Variants in HERC3 observed in about 807,000 individuals in gnomAD.
The protein encoded by HERC3 is probable E3 ubiquitin-protein ligase HERC3.
Under a neutral mutation model 129.9 loss-of-function variants are expected in HERC3, and 58 were observed. That is an observed-to-expected ratio of 0.45 (90% CI 0.36 to 0.56). HERC3 has a LOEUF of 0.56. HERC3 is among the 20% of genes least tolerant of loss of function. The pLI is 0.00. For missense variants in HERC3, 835 were observed against 1,244.2 expected, an observed-to-expected ratio of 0.67 and a Z score of 4.95; for synonymous variants, 430 against 451.0, an observed-to-expected ratio of 0.95 and a Z score of 0.59.
intron 2 of HERC3, among the ~76,000 whole-genome samples, chr4:88,603,204 C>CTTTTT (rs1191378063): frequency 4.4e-4 from 58 of 131,052 alleles, no homozygotes; most frequent in East Asian, 4.3e-4. Flanking sequence ...ATCGCTTTCT[C>CTTTTT]TTTTTTTTTT....
At chr4:88,565,894 T>A in the HERC3 span, among the ~76,000 whole-genome samples, 1 of 152,308 alleles carries the variant, frequency 6.6e-6, no homozygotes, top group East Asian at 1.9e-4. Flanking sequence ...TGATTTTCTC[T>A]GGTGGTATAT....
the HERC3 span, among the ~76,000 whole-genome samples, chr4:88,558,220 A>G: frequency 1.6e-4 from 24 of 152,272 alleles, no homozygotes; most frequent in East Asian, 2.7e-3. Context: ...TAGCAGCACA[A>G]TTAGCCATTG....
chr4:88,697,158 C>T (rs751921542), intron 23 of HERC3: 1 of 1,454,748 alleles, frequency 6.9e-7, no homozygotes, highest in Admixed American at 2.6e-5. Flanking sequence ...AAAAACAAAA[C>T]CAGGCTTTTT....
the HERC3 span, among the ~76,000 whole-genome samples, chr4:88,565,463 A>G: frequency 6.6e-6 from 1 of 152,080 alleles, no homozygotes; most frequent in South Asian, 2.1e-4. Flanking sequence ...TTCTTGCTGA[A>G]TTGACCCCTT....
rs1003781623 is a variant in HERC3 at position 88,671,804 on chromosome 4, G to A, written c.1911+1552G>A. On this transcript the variant is annotated intron_variant, in intron 16 of 25. Coordinates refer to ENST00000402738, the MANE Select transcript of HERC3 (RefSeq NM_014606.3). ...CTCCCAAAGTGCTGGGATTACAGGGGTAAGCCACTGTGCCTGGCCAGGAAA... is the reference window on the plus strand; with the variant it reads ...CTCCCAAAGTGCTGGGATTACAGGGATAAGCCACTGTGCCTGGCCAGGAAA... 2.2e-4 allele frequency among the ~76,000 whole-genome samples: 34 copies of A among 152,166 alleles called. 1 individual carries two copies. Among genetic ancestry groups the A allele is most frequent in the Non-Finnish European group, 1.0e-4 (7 of 68,034 alleles).
intron 3 of HERC3, among the ~76,000 whole-genome samples, chr4:88,638,695 A>G (rs1371416662): frequency 2.6e-5 from 4 of 151,852 alleles, no homozygotes; most frequent in African/African-American, 7.3e-5. Flanking sequence ...CAAGGATGCC[A>G]TCTTTCACCA....
Position 88,676,377 on chromosome 4 carries a change from A to C in HERC3, c.1979A>C (p.Gln660Pro), listed in dbSNP as rs1732165822. The C allele has an allele frequency of 2.5e-6, 4 of 1,613,080 alleles. No homozygotes were observed. In the East Asian group the frequency reaches 8.9e-5, roughly 36 times the overall value. Residue 660 changes from glutamine to proline, a missense_variant, in exon 18 of 26, where the codon CAA (glutamine) becomes CCA (proline). By Grantham distance (76) the Gln-to-Pro change is moderately conservative (BLOSUM62 -1). Coordinates refer to ENST00000402738, the MANE Select transcript of HERC3 (RefSeq NM_014606.3). ...TCCTACCCTTTCATCTTTGATGCCC[A>C]AGCCAAGACCAAAATGTTACAGACA... ...LCSYPFIFDA[Q>P]AKTKMLQTDA...
At chr4:88,659,982 G>A (rs1730314276) in intron 10 of HERC3, among the ~76,000 whole-genome samples, 1 of 152,182 alleles carries the variant, frequency 6.6e-6, no homozygotes, top group African/African-American at 2.4e-5. Flanking sequence ...ACTGGAAAGA[G>A]GGATAGGTAT....
chr4:88,605,447 A>G (rs1239966434), intron 2 of HERC3, among the ~76,000 whole-genome samples: 1 of 152,216 alleles, frequency 6.6e-6, no homozygotes, highest in African/African-American at 2.4e-5. Context: ...CTTGAGAGTA[A>G]TTTCAAAACT....
At chr4:88,693,838 C>T (rs141374693) in intron 23 of HERC3, among the ~76,000 whole-genome samples, 1 of 152,082 alleles carries the variant, frequency 6.6e-6, no homozygotes, top group Non-Finnish European at 1.5e-5. Flanking sequence ...TTATTTTGTG[C>T]TTTGTTGACT....
intron 7 of HERC3, 26 bp downstream of exon 7, chr4:88,654,159 T>C (rs756186110): frequency 4.0e-6 from 6 of 1,506,216 alleles, no homozygotes; most frequent in Middle Eastern, 1.7e-4. Flanking sequence ...TATTTTACTT[T>C]GGTGCTGGGG....
rs772541133 is a variant in HERC3 at position 88,670,030 on chromosome 4, A to G, written c.1797+7A>G. Reference sequence around the variant, plus strand: ...CTTGGAGAAGTTATATAAGGTGAGCATAGGAGGTGCTAGTGGGGAGGGGGT... The same window carrying G: ...CTTGGAGAAGTTATATAAGGTGAGCGTAGGAGGTGCTAGTGGGGAGGGGGT... On this transcript the variant is annotated splice_region_variant and intron_variant, in intron 15 of 25. Coordinates refer to ENST00000402738, the MANE Select transcript of HERC3 (RefSeq NM_014606.3). 20 of 1,612,856 alleles carry G rather than the reference A, an allele frequency of 1.2e-5. No individual in the cohort carries two copies. The South Asian group carries it at 1.6e-4, about 13-fold the overall frequency.
At chr4:88,545,304 A>C in the HERC3 span, among the ~76,000 whole-genome samples, 22 of 152,154 alleles carry the variant, frequency 1.4e-4, no homozygotes, top group African/African-American at 5.3e-4. Flanking sequence ...TAAAATAAAA[A>C]ATTTTTGGTT....
At chr4:88,673,192 G>A (rs1169852248) in intron 16 of HERC3, among the ~76,000 whole-genome samples, 1 of 152,148 alleles carries the variant, frequency 6.6e-6, no homozygotes, top group African/African-American at 2.4e-5. Context: ...GATAAAGCTC[G>A]ACATCTTGCT....
intron 2 of HERC3, among the ~76,000 whole-genome samples, chr4:88,600,605 A>G (rs1722870218): frequency 6.6e-6 from 1 of 152,234 alleles, no homozygotes; most frequent in South Asian, 2.1e-4. Flanking sequence ...ATGGGTTGTC[A>G]TCTCATGAAT....
intron 2 of HERC3, among the ~76,000 whole-genome samples, chr4:88,604,975 G>C (rs1723463724): frequency 6.6e-6 from 1 of 152,156 alleles, no homozygotes; most frequent in African/African-American, 2.4e-5. Context: ...AGGGAAACAT[G>C]AATTGTTAAA....
chr4:88,667,808 C>A, intron 13 of HERC3, 84 bp from the exon 14 acceptor site: 1 of 1,005,864 alleles, frequency 9.9e-7, no homozygotes, highest in Non-Finnish European at 1.5e-6. Context: ...AGTTGAGAGT[C>A]TATCAAATAG....
the HERC3 span, among the ~76,000 whole-genome samples, chr4:88,559,782 A>G: frequency 2.6e-5 from 4 of 151,892 alleles, no homozygotes; most frequent in African/African-American, 9.7e-5. Flanking sequence ...TGATAATTTC[A>G]TTTCCTTTGT....
intron 23 of HERC3, chr4:88,697,932 G>A: frequency 1.3e-6 from 1 of 797,804 alleles, no homozygotes; most frequent in Non-Finnish European, 2.0e-6. Flanking sequence ...ACTATCAGCT[G>A]ACGGCCGTGT....
Sources: allele counts gnomAD v4.1 joint callset (sites outside exome capture counted in the v4.1 genomes callset), GRCh38; gene constraint gnomAD v4.1.1; transcripts MANE v1.5; gene names NCBI Gene and HGNC (gene_info 2026-07-23, HGNC 2026-07-21).